SNX9: variants seen among roughly 807,000 people sequenced by gnomAD.
SNX9 encodes sorting nexin 9.
A neutral mutation model predicts 89.4 loss-of-function variants in SNX9; 44 were observed. The observed-to-expected ratio is 0.49, with a 90% CI of 0.39 to 0.63. SNX9 has a LOEUF of 0.63. Ranked by LOEUF, SNX9 falls within the 30% of genes least tolerant of loss-of-function variation. The probability of loss-of-function intolerance (pLI) is 0.00; values close to 1 mark genes in which losing one functional copy is unlikely to be tolerated. For missense variants in SNX9, 578 were observed against 736.1 expected (o/e 0.79, Z 2.49); for synonymous variants, 236 against 247.8 (o/e 0.95, Z 0.45).
intron 1 of SNX9, among the ~76,000 whole-genome samples, chr6:157,825,964 AAC>A (rs1781335864): frequency 6.6e-6 from 1 of 151,934 alleles, no homozygotes; most frequent in East Asian, 1.9e-4. Context: ...TATAAGTATT[AAC>A]TGATGAAAAG....
At chr6:157,881,753 G>A (rs1256792962) in intron 4 of SNX9, among the ~76,000 whole-genome samples, 1 of 152,236 alleles carries the variant, frequency 6.6e-6, no homozygotes, top group Non-Finnish European at 1.5e-5. Flanking sequence ...TGCAGAGCAA[G>A]GTCTTAACTA....
intron 9 of SNX9, among the ~76,000 whole-genome samples, chr6:157,920,678 T>C (rs1783565685): frequency 6.6e-6 from 1 of 152,242 alleles, no homozygotes; most frequent in Admixed American, 6.5e-5. Context: ...TCTAGCTTTA[T>C]AGTTGCTTTT....
chr6:157,850,490 C>T (rs770220877), intron 1 of SNX9, among the ~76,000 whole-genome samples: 3 of 152,100 alleles, frequency 2.0e-5, no homozygotes, highest in East Asian at 1.9e-4. Flanking sequence ...GTAATCAGTG[C>T]GTGGATGGGA....
chr6:157,897,181 G>T (rs1289042712), intron 5 of SNX9, among the ~76,000 whole-genome samples, 183 bp downstream of exon 5: 1 of 143,244 alleles, frequency 7.0e-6, no homozygotes, highest in South Asian at 2.2e-4. Context: ...CCAGCTGAGT[G>T]TCCTACAGTC....
intron 10 of SNX9, among the ~76,000 whole-genome samples, chr6:157,925,254 C>CAGGATG (rs1783667397): frequency 9.4e-4 from 142 of 151,420 alleles, no homozygotes; most frequent in African/African-American, 3.3e-3. Flanking sequence ...TAGAAAAGTA[C>CAGGATG]CTAATCTCAT....
intron 4 of SNX9, among the ~76,000 whole-genome samples, chr6:157,891,823 T>C (rs1037214910): frequency 6.6e-6 from 1 of 152,152 alleles, no homozygotes; most frequent in Non-Finnish European, 1.5e-5. Context: ...GAGTACAGTA[T>C]AGTGTGAGGA....
At chr6:157,845,092 C>T (rs1042137053) in intron 1 of SNX9, among the ~76,000 whole-genome samples, 3 of 149,828 alleles carry the variant, frequency 2.0e-5, no homozygotes, top group East Asian at 2.0e-4. Flanking sequence ...GCACCTGGCC[C>T]TTTCCCATTT....
At chr6:157,866,510 G>T (rs1014835269) in intron 1 of SNX9, among the ~76,000 whole-genome samples, 5 of 152,152 alleles carry the variant, frequency 3.3e-5, no homozygotes, top group Non-Finnish European at 7.3e-5. Context: ...GTAGGTCGAG[G>T]CTGCATTGAC....
In SNX9 at chr6:157,943,143, TAG is replaced by T. The variant is rs1469543367; in HGVS notation, c.*308_*309del. On this transcript the variant is annotated 3_prime_UTR_variant, in exon 18 of 18. Coordinates refer to ENST00000392185, the MANE Select transcript of SNX9 (RefSeq NM_016224.5). Reference sequence around the variant, plus strand: ...GGTTTCTCCCCACTGATATTTTACATAGAGTCATAATTTATATGTCTTATAAA... The same window carrying T: ...GGTTTCTCCCCACTGATATTTTACATAGTCATAATTTATATGTCTTATAAA... 2.0e-5 allele frequency: 5 copies of T among 250,482 alleles called. No individual in the cohort carries two copies. The highest frequency in any genetic ancestry group is 3.0e-5 in the Non-Finnish European group (4 of 132,924). 15.5% of individuals were successfully genotyped at this position (250,482 alleles called of 1,614,324 possible). A position where few individuals can be genotyped will look rare whatever the true frequency, so the allele number is the denominator to read the frequency against.
At chr6:157,833,442 C>G (rs1310934871) in intron 1 of SNX9, among the ~76,000 whole-genome samples, 1 of 152,000 alleles carries the variant, frequency 6.6e-6, no homozygotes, top group African/African-American at 2.4e-5. Context: ...TAGAAGAATG[C>G]TAATGCATTC....
At chr6:157,834,551 C>T (rs771980362) in intron 1 of SNX9, among the ~76,000 whole-genome samples, 101 of 151,662 alleles carry the variant, frequency 6.7e-4, no homozygotes, top group Non-Finnish European at 1.3e-3. Context: ...ATTGAGGTCT[C>T]GCCATGTTCC....
chr6:157,829,568 T>C (rs951186419), intron 1 of SNX9: 1 of 152,238 alleles, frequency 6.6e-6, no homozygotes, highest in South Asian at 2.1e-4. Context: ...TTTGATCTGT[T>C]GTATCTAACT....
At chr6:157,916,878 T>A (rs2115187350) in intron 9 of SNX9, among the ~76,000 whole-genome samples, 1 of 152,340 alleles carries the variant, frequency 6.6e-6, no homozygotes, top group Non-Finnish European at 1.5e-5. Context: ...ATAGTTTTCT[T>A]GTAATTTGTT....
intron 1 of SNX9, among the ~76,000 whole-genome samples, chr6:157,831,771 T>C (rs1300561493): frequency 1.3e-5 from 2 of 152,234 alleles, no homozygotes; most frequent in Non-Finnish European, 2.9e-5. Context: ...TCTTTTGCTT[T>C]TAATATTTTA....
intron 2 of SNX9, among the ~76,000 whole-genome samples, chr6:157,871,533 TGGGA>T (rs1782411338): frequency 6.7e-6 from 1 of 150,310 alleles, no homozygotes; most frequent in Non-Finnish European, 1.5e-5. Context: ...TGTCGTCGGG[TGGGA>T]GGAGGGGGGA....
chr6:157,851,630 C>T (rs1361408139), intron 1 of SNX9, among the ~76,000 whole-genome samples: 2 of 152,158 alleles, frequency 1.3e-5, no homozygotes, highest in Non-Finnish European at 2.9e-5. Context: ...CACTCTGTCA[C>T]CCAGGCTGGA....
chr6:157,911,852 G>A (rs942586784), intron 9 of SNX9, among the ~76,000 whole-genome samples: 1 of 152,052 alleles, frequency 6.6e-6, no homozygotes, highest in African/African-American at 2.4e-5. Context: ...TGATTTTTTT[G>A]GAACACATTT....
chr6:157,826,080 G>A (rs189583820), intron 1 of SNX9, among the ~76,000 whole-genome samples: 41 of 152,188 alleles, frequency 2.7e-4, no homozygotes, highest in African/African-American at 8.7e-4. Flanking sequence ...TTGTTCTTAC[G>A]TATTAAGGAT....
In SNX9 at chr6:157,823,507, T is replaced by TCGGGGC. The variant is rs1310363632; in HGVS notation, c.12+70_12+75dup. 5.2e-6 allele frequency: 6 copies of TCGGGGC among 1,146,052 alleles called. No homozygotes were observed. Among genetic ancestry groups the TCGGGGC allele is most frequent in the Non-Finnish European group, 6.4e-6 (6 of 933,810 alleles). The allele number at this position is 1,146,052 out of a possible 1,614,324, so 71.0% of individuals were successfully genotyped here. A position where few individuals can be genotyped will look rare whatever the true frequency, so the allele number is the denominator to read the frequency against. On this transcript the variant is annotated intron_variant, in intron 1 of 17. Transcript: ENST00000392185. This position sits in a 1 kb window ranked among gnomAD's most constrained non-coding sequence, Gnocchi z 4.6. ...CAGGCCCGGGGCGGCGCGGAGAGGG[T>TCGGGGC]CGGGGCCGGGGCCGCGGGGAGGGTC...
Sources: allele counts gnomAD v4.1 joint callset (sites outside exome capture counted in the v4.1 genomes callset), GRCh38; gene constraint gnomAD v4.1.1; non-coding constraint Gnocchi (gnomAD v3.1); transcripts MANE v1.5; gene names NCBI Gene and HGNC (gene_info 2026-07-23, HGNC 2026-07-21).